The following DCTPP1 variants were observed in gnomAD, a reference collection of about 807,000 sequenced individuals.
The protein encoded by DCTPP1 is XTP3-transactivated gene A protein.
DCTPP1 carries 8 observed loss-of-function variants against 8.8 expected under a neutral mutation model. That is an observed-to-expected ratio of 0.91 (90% CI 0.54 to 1.64). The LOEUF (loss-of-function observed/expected upper bound fraction) is 1.64. Among genes scored for constraint, DCTPP1 ranks in the 40% most tolerant of loss-of-function variants. DCTPP1 has a pLI of 0.00. For synonymous variants in DCTPP1, 85 were observed against 92.1 expected (o/e 0.92, Z 0.44); for missense variants, 231 against 230.4 (o/e 1.00, Z -0.02).
chr16:30,423,887 G>A lies in DCTPP1; in HGVS notation c.*346C>T, dbSNP rs1022751260. ...GAAGGAACTTACATGACATCCTACT[G>A]GGAATTTGCTAGAAACCAGATCTCT... On this transcript the variant is annotated 3_prime_UTR_variant, in exon 3 of 3. Transcript: ENST00000319285. 4 of 235,360 alleles carry A rather than the reference G, an allele frequency of 1.7e-5. No individual in the cohort carries two copies. The South Asian group carries it at 3.3e-4, about 19-fold the overall frequency. 14.6% of individuals were successfully genotyped at this position (235,360 alleles called of 1,614,324 possible).
Position 30,424,068 on chromosome 16 carries a change from AAACACC to A in DCTPP1, c.*159_*164del. The A allele has an allele frequency of 1.2e-6, 1 of 810,696 alleles. No homozygotes were observed. The highest frequency in any genetic ancestry group is 1.9e-5 in the South Asian group (1 of 52,506). 50.2% of individuals were successfully genotyped at this position (810,696 alleles called of 1,614,324 possible). On this transcript the variant is annotated 3_prime_UTR_variant, in exon 3 of 3. Coordinates refer to ENST00000319285, the MANE Select transcript of DCTPP1 (RefSeq NM_024096.2). ...CCCAAAACCATTTTACTGGGAGAAC[AAACACC>A]AGGAGGCTACCTTCTAGAGGCTGCT...
chr16:30,428,259 G>A (rs1439725078), intron 2 of DCTPP1, among the ~76,000 whole-genome samples: 4 of 152,160 alleles, frequency 2.6e-5, no homozygotes, highest in East Asian at 1.9e-4. Flanking sequence ...CCTATTGAGC[G>A]CCTACTATGC....
At chr16:30,425,563 C>T (rs959755387) in intron 2 of DCTPP1, among the ~76,000 whole-genome samples, 2 of 151,876 alleles carry the variant, frequency 1.3e-5, no homozygotes, top group Admixed American at 1.3e-4. Context: ...GTAATCCCAG[C>T]ACTTTGGGAG....
chr16:30,428,256 A>C (rs1193091748), intron 2 of DCTPP1, among the ~76,000 whole-genome samples: 1 of 152,126 alleles, frequency 6.6e-6, no homozygotes, highest in Non-Finnish European at 1.5e-5. Context: ...GTGCCTATTG[A>C]GCGCCTACTA....
chr16:30,425,273 G>A (rs1288427381), intron 2 of DCTPP1, among the ~76,000 whole-genome samples: 2 of 152,134 alleles, frequency 1.3e-5, no homozygotes, highest in Non-Finnish European at 2.9e-5. Context: ...TGGATCATGA[G>A]GTCAGGAGTT....
chr16:30,428,560 A>G (rs2050206876), intron 2 of DCTPP1, among the ~76,000 whole-genome samples: 1 of 152,196 alleles, frequency 6.6e-6, no homozygotes, highest in Admixed American at 6.5e-5. Flanking sequence ...ACCTGAGGTC[A>G]GGAATTTGAG....
At chr16:30,424,609 A>G in intron 2 of DCTPP1, 76 bp from the exon 3 acceptor site, 1 of 1,543,602 alleles carries the variant, frequency 6.5e-7, no homozygotes, top group Non-Finnish European at 8.7e-7. Flanking sequence ...TTGCAGTAAT[A>G]ACACCCACCT....
rs761580953 is a variant in DCTPP1, at chr16:30,429,895, G to A, written c.86C>T (p.Pro29Leu). ...GCCTGCTTACATGTCCTCGAGCGTG[G>A]GCTCCGGGCTGAAGCTGAACCGGCC... is the stretch of plus-strand genomic sequence containing the variant. ...APGRFSFSPE[P>L]TLEDIRRLHA... Residue 29 changes from proline (P) to leucine (L), a missense_variant, in exon 1 of 3, where the codon CCC becomes CTC. Pro to Leu is a moderately conservative substitution (Grantham distance 98). Coordinates refer to ENST00000319285, the MANE Select transcript of DCTPP1 (RefSeq NM_024096.2). The A allele has an allele frequency of 5.0e-6, 8 of 1,596,510 alleles. No homozygotes were observed. In the South Asian group the frequency reaches 7.8e-5, roughly 16 times the overall value.
chr16:30,424,668 A>G, intron 2 of DCTPP1, 135 bp from the exon 3 acceptor site: 1 of 1,097,718 alleles, frequency 9.1e-7, no homozygotes, highest in Admixed American at 2.6e-5. Flanking sequence ...CAGGTGGGGA[A>G]GAGACCCCGA....
intron 1 of DCTPP1, 169 bp downstream of exon 1, chr16:30,429,711 G>T: frequency 1.6e-6 from 1 of 615,400 alleles, no homozygotes; most frequent in Non-Finnish European, 2.7e-6. Context: ...GGTGTGCACC[G>T]CTGCGCCCAT....
intron 2 of DCTPP1, among the ~76,000 whole-genome samples, chr16:30,427,392 A>T (rs540047843): frequency 6.7e-6 from 1 of 149,762 alleles, no homozygotes; most frequent in South Asian, 2.1e-4. Context: ...GGCTAACTGC[A>T]GTCTCTGCCT....
chr16:30,429,521 T>A (rs931413373), intron 1 of DCTPP1: 2 of 404,228 alleles, frequency 4.9e-6, no homozygotes, highest in Non-Finnish European at 8.8e-6. Flanking sequence ...CTAAGAAGCC[T>A]TTCTTGACCT....
At chr16:30,429,725 G>T in intron 1 of DCTPP1, 155 bp downstream of exon 1, 1 of 661,016 alleles carries the variant, frequency 1.5e-6, no homozygotes, top group Non-Finnish European at 2.4e-6. Flanking sequence ...CGCCCATTTT[G>T]CAGATGAGGT....
In DCTPP1 at chr16:30,423,948, G is replaced by A. The variant is rs530519271; in HGVS notation, c.*285C>T. The A allele has an allele frequency of 8.7e-5, 35 of 402,602 alleles. No individual in the cohort carries two copies. Among genetic ancestry groups the A allele is most frequent in the African/African-American group, 2.2e-4 (11 of 49,306 alleles). 24.9% of individuals were successfully genotyped at this position (402,602 alleles called of 1,614,324 possible). A position where few individuals can be genotyped will look rare whatever the true frequency, so the allele number is the denominator to read the frequency against. ...GGCAAAAGGTACAACAGGGAAACAC[G>A]AGAATGGGTCTCAGAGGCACCCCTG... On this transcript the variant is annotated 3_prime_UTR_variant, in exon 3 of 3. Coordinates refer to ENST00000319285, the MANE Select transcript of DCTPP1 (RefSeq NM_024096.2).
intron 1 of DCTPP1, 123 bp downstream of exon 1, chr16:30,429,757 G>C (rs1344790056): frequency 1.1e-6 from 1 of 921,124 alleles, no homozygotes; most frequent in Non-Finnish European, 1.6e-6. Flanking sequence ...CCCAGGGACA[G>C]CCCACAGAGC....
chr16:30,429,607 A>C (rs1422180310), intron 1 of DCTPP1: 1 of 474,770 alleles, frequency 2.1e-6, no homozygotes, highest in African/African-American at 2.0e-5. Flanking sequence ...CCTGGAGAGC[A>C]GAGGCGGTAT....
chr16:30,428,807 G>C (rs1037424671), intron 2 of DCTPP1: 5 of 421,954 alleles, frequency 1.2e-5, no homozygotes, highest in African/African-American at 1.0e-4. Context: ...GAAGGGAAAA[G>C]GGTTGTTGCC....
chr16:30,424,621 C>G (rs1157587144), intron 2 of DCTPP1, 88 bp from the exon 3 acceptor site: 1 of 1,503,214 alleles, frequency 6.7e-7, no homozygotes, highest in Non-Finnish European at 8.9e-7. Context: ...CACCCACCTC[C>G]AAGGACGACC....
At chr16:30,426,312 A>G (rs2050192329) in intron 2 of DCTPP1, among the ~76,000 whole-genome samples, 1 of 151,828 alleles carries the variant, frequency 6.6e-6, no homozygotes, top group African/African-American at 2.4e-5. Context: ...AGTAGCTGCG[A>G]CTACAGGCGC....
Sources: allele counts gnomAD v4.1 joint callset (sites outside exome capture counted in the v4.1 genomes callset), GRCh38; gene constraint gnomAD v4.1.1; transcripts MANE v1.5; gene names NCBI Gene and HGNC (gene_info 2026-07-23, HGNC 2026-07-21).